The following NTNG2 variants were observed in gnomAD, a reference collection of about 807,000 sequenced individuals.
The protein encoded by NTNG2 is netrin-G2.
In NTNG2, 15 loss-of-function variants were observed where a neutral mutation model predicts 47.6. That is an observed-to-expected ratio of 0.32 (90% CI 0.21 to 0.49). The LOEUF is 0.49. NTNG2 is among the 20% of genes least tolerant of loss of function. The pLI, the probability that NTNG2 is intolerant of heterozygous loss-of-function variation, is 0.99. For missense variants in NTNG2, 578 were observed against 764.6 expected (o/e 0.76, Z 2.88); for synonymous variants, 307 against 324.6 (o/e 0.95, Z 0.58).
intron 5 of NTNG2, among the ~76,000 whole-genome samples, chr9:132,235,834 G>T (rs911962991): frequency 6.6e-6 from 1 of 152,188 alleles, no homozygotes; most frequent in Non-Finnish European, 1.5e-5. Context: ...GGGACCTGAG[G>T]TTGGAGGGGG....
rs1840727397 is a variant in NTNG2, at chr9:132,226,004, C to T, written c.858-845C>T. ...TCTGATTCAGGTTCAGTTGCTTTGG[C>T]TTCGGGTGGGGGTGTGTTCTTCTAG... On this transcript the variant is annotated intron_variant, in intron 3 of 7. Coordinates refer to ENST00000393229, the MANE Select transcript of NTNG2 (RefSeq NM_032536.4). The surrounding 1 kb of genome is among the most constrained non-coding windows in gnomAD (Gnocchi z 4.8). 6.6e-6 allele frequency among the ~76,000 whole-genome samples: 1 copy of T among 152,082 alleles called. No homozygotes were observed. The highest frequency in any genetic ancestry group is 1.5e-5 in the Non-Finnish European group (1 of 68,026).
In NTNG2 at chr9:132,166,912, C is replaced by G. The variant is rs757942292; in HGVS notation, c.81C>G (p.Thr27=). Residue 27 remains threonine, a synonymous_variant, in exon 2 of 8, where the codon ACC becomes ACG. Transcript: ENST00000393229. ...GDYDICKSWV[T]TDEGPTWEFY... Reference sequence around the variant, plus strand: ...ATGACATCTGCAAATCCTGGGTGACCACAGATGAGGGCCCCACCTGGGAGT... The same window carrying G: ...ATGACATCTGCAAATCCTGGGTGACGACAGATGAGGGCCCCACCTGGGAGT... 14 of 1,614,090 alleles carry G rather than the reference C, an allele frequency of 8.7e-6. No individual in the cohort carries two copies. The highest frequency in any genetic ancestry group is 8.5e-7 in the Non-Finnish European group (1 of 1,180,044).
At chr9:132,167,392 G>A (rs775639330) in intron 2 of NTNG2, among the ~76,000 whole-genome samples, 7 of 152,342 alleles carry the variant, frequency 4.6e-5, no homozygotes, top group Non-Finnish European at 7.3e-5. Flanking sequence ...CATTCTGGGC[G>A]AGTGAGCAAG....
chr9:132,184,451 AC>A (rs1225158791), intron 2 of NTNG2, among the ~76,000 whole-genome samples: 4 of 152,176 alleles, frequency 2.6e-5, no homozygotes, highest in Non-Finnish European at 5.9e-5. Context: ...GAAAACTGTG[AC>A]CCAGTGCTCC....
rs188131086 is a variant in NTNG2 at position 132,235,927 on chromosome 9, G to A, written c.1055-3177G>A. On this transcript the variant is annotated intron_variant, in intron 5 of 7. Coordinates refer to ENST00000393229, the MANE Select transcript of NTNG2 (RefSeq NM_032536.4). ...GGCACAGTGGTGAGGGAGCGGCCTG[G>A]TAGAGCAGGTCTACCAGCTCTGCCC... Among the ~76,000 whole-genome samples the A allele has an allele frequency of 5.9e-3, 893 of 152,256 alleles. 3 individuals are homozygous for A. Among genetic ancestry groups the A allele is most frequent in the Middle Eastern group, 0.017 (5 of 294 alleles).
At chr9:132,212,904 G>C (rs565162652) in intron 3 of NTNG2, among the ~76,000 whole-genome samples, 1 of 151,666 alleles carries the variant, frequency 6.6e-6, no homozygotes, top group African/African-American at 2.4e-5. Flanking sequence ...CACACTGCTT[G>C]CCTGAGCCAA....
intron 3 of NTNG2, among the ~76,000 whole-genome samples, chr9:132,217,190 T>C (rs183034334): frequency 6.6e-6 from 1 of 152,374 alleles, no homozygotes; most frequent in Admixed American, 6.5e-5. Flanking sequence ...AGGATTTGTT[T>C]AATAATGCAT....
chr9:132,175,120 G>C (rs565499361), intron 2 of NTNG2, among the ~76,000 whole-genome samples: 1 of 151,986 alleles, frequency 6.6e-6, no homozygotes, highest in Non-Finnish European at 1.5e-5. Flanking sequence ...GCAGGGAAGG[G>C]GGCCAGGTGA....
At chr9:132,241,799 A>C in intron 7 of NTNG2, 77 bp from the exon 8 acceptor site, 1 of 1,152,114 alleles carries the variant, frequency 8.7e-7, no homozygotes, top group Non-Finnish European at 1.2e-6. Context: ...GATCTCGCAC[A>C]CCCTGCTTCG....
In NTNG2 at chr9:132,177,750, C is replaced by T. The variant is rs368163612; in HGVS notation, c.213+10706C>T. ...TCAGCTCACTGCAACCTCCCCCTCC[C>T]GGGTTCAAGCGATTCTCCTGCCTCA... On this transcript the variant is annotated intron_variant, in intron 2 of 7. Transcript: ENST00000393229. 3.6e-3 allele frequency among the ~76,000 whole-genome samples: 548 copies of T among 152,256 alleles called. 4 individuals are homozygous for T. The highest frequency in any genetic ancestry group is 5.5e-3 in the Non-Finnish European group (373 of 68,010).
intron 2 of NTNG2, among the ~76,000 whole-genome samples, chr9:132,192,928 G>T (rs1423985426): frequency 6.6e-6 from 1 of 152,260 alleles, no homozygotes; most frequent in Non-Finnish European, 1.5e-5. Flanking sequence ...TGCTTCCCGG[G>T]CCGGGGCGGG....
At chr9:132,238,408 T>C (rs965567290) in intron 5 of NTNG2, among the ~76,000 whole-genome samples, 1 of 152,072 alleles carries the variant, frequency 6.6e-6, no homozygotes, top group African/African-American at 2.4e-5. Context: ...TATGAAACCA[T>C]GTGCTTCCAG....
intron 7 of NTNG2, chr9:132,241,554 C>G (rs1243440762): frequency 5.3e-6 from 2 of 376,820 alleles, no homozygotes; most frequent in Admixed American, 8.9e-5. Flanking sequence ...GCGTTAGCCG[C>G]GGGCACAGGG....
At chr9:132,193,572 G>A (rs989911146) in intron 2 of NTNG2, among the ~76,000 whole-genome samples, 15 of 152,148 alleles carry the variant, frequency 9.9e-5, no homozygotes, top group Non-Finnish European at 2.1e-4. Context: ...GGTAGGTGAC[G>A]CAGTGTGACG....
In NTNG2 at chr9:132,198,454, C is replaced by T; in HGVS notation, c.702C>T (p.Tyr234=). ...ACCTGCGCAACATGGACAACCTCTA[C>T]ACGCGGCTGGAGAGCGCCAAGGGCC... ...GPDLRNMDNL[Y]TRLESAKGLK... Residue 234 remains tyrosine (Y), a synonymous_variant, in exon 3 of 8, where the codon TAC becomes TAT. Transcript: ENST00000393229. The T allele has an allele frequency of 6.2e-7, 1 of 1,610,540 alleles. No individual in the cohort carries two copies. The highest frequency in any genetic ancestry group is 1.3e-5 in the African/African-American group (1 of 75,018).
intron 4 of NTNG2, 27 bp downstream of exon 4, chr9:132,227,048 G>T (rs2130938076): frequency 1.3e-6 from 2 of 1,566,108 alleles, no homozygotes; most frequent in Non-Finnish European, 1.7e-6. Context: ...GGGGCCACGA[G>T]CCCACATGGC....
At chr9:132,189,891 G>A (rs973857021) in intron 2 of NTNG2, among the ~76,000 whole-genome samples, 6 of 150,224 alleles carry the variant, frequency 4.0e-5, no homozygotes, top group South Asian at 2.1e-4. Flanking sequence ...TCAGGTGGTC[G>A]GCCCGCCTCA....
chr9:132,169,206 C>T lies in NTNG2; in HGVS notation c.213+2162C>T, dbSNP rs188607340. On this transcript the variant is annotated intron_variant, in intron 2 of 7. Transcript: ENST00000393229. ...ACAATCTCCCACATGGGCAAGTCCT[C>T]GGCGTCTCGCCACCTGTGTGATGGA... 5.2e-3 allele frequency among the ~76,000 whole-genome samples: 787 copies of T among 152,380 alleles called. 7 individuals are homozygous for T. Among genetic ancestry groups the T allele is most frequent in the African/African-American group, 0.018 (754 of 41,592 alleles).
intron 2 of NTNG2, among the ~76,000 whole-genome samples, chr9:132,181,079 T>C (rs1180163277): frequency 1.3e-5 from 2 of 152,194 alleles, no homozygotes; most frequent in Non-Finnish European, 2.9e-5. Context: ...GGTCCAATTG[T>C]CTGAGGACTT....
Sources: allele counts gnomAD v4.1 joint callset (sites outside exome capture counted in the v4.1 genomes callset), GRCh38; gene constraint gnomAD v4.1.1; non-coding constraint Gnocchi (gnomAD v3.1); transcripts MANE v1.5; gene names NCBI Gene and HGNC (gene_info 2026-07-23, HGNC 2026-07-21).